The following DNAI1 variants were observed in gnomAD, a reference collection of about 807,000 sequenced individuals.
DNAI1 encodes dynein axonemal intermediate chain 1, also known as dynein, axonemal, intermediate polypeptide 1.
Under a neutral mutation model 92.0 loss-of-function variants are expected in DNAI1, and 67 were observed. The observed-to-expected ratio is 0.73, with a 90% CI of 0.60 to 0.89. DNAI1 has a LOEUF of 0.89. DNAI1 is among the 40% of genes least tolerant of loss of function. DNAI1 has a pLI of 0.00. For missense variants in DNAI1, 839 were observed against 866.6 expected (o/e 0.97, Z 0.40); for synonymous variants, 323 against 319.6 (o/e 1.01, Z -0.11).
rs554496487 is a variant in DNAI1 at position 34,504,585 on chromosome 9, C to T, written c.1064-2042C>T. ...TATTTAGGTTCTCAAATGTTTGCCTCATTTTCCCTAAATCAAATTAAATGT... is the reference window on the plus strand; with the variant it reads ...TATTTAGGTTCTCAAATGTTTGCCTTATTTTCCCTAAATCAAATTAAATGT... On this transcript the variant is annotated intron_variant, in intron 12 of 19. Transcript: ENST00000242317. 1.4e-4 allele frequency among the ~76,000 whole-genome samples: 21 copies of T among 152,350 alleles called. No individual in the cohort carries two copies. In the East Asian group the frequency reaches 4.0e-3, roughly 29 times the overall value.
intron 13 of DNAI1, among the ~76,000 whole-genome samples, chr9:34,509,204 A>C (rs1825016975): frequency 1.3e-5 from 2 of 152,112 alleles, no homozygotes; most frequent in Non-Finnish European, 2.9e-5. Context: ...AGGTCTTTCT[A>C]GAGGAAGCAA....
At chr9:34,502,403 C>T (rs1824848487) in intron 12 of DNAI1, among the ~76,000 whole-genome samples, 2 of 152,134 alleles carry the variant, frequency 1.3e-5, no homozygotes, top group Admixed American at 6.5e-5. Flanking sequence ...TTGGGCAGGC[C>T]CTCCCAGGAG....
intron 1 of DNAI1, among the ~76,000 whole-genome samples, chr9:34,481,303 T>TA (rs1388216484): frequency 4.6e-5 from 7 of 152,206 alleles, no homozygotes; most frequent in South Asian, 2.1e-4. Flanking sequence ...GATGAACACT[T>TA]AGAGTATGCT....
In DNAI1 at chr9:34,512,400, G is replaced by C; in HGVS notation, c.1465G>C (p.Glu489Gln). The C allele has an allele frequency of 6.2e-7, 1 of 1,614,152 alleles. No individual in the cohort carries two copies. The highest frequency in any genetic ancestry group is 1.1e-5 in the South Asian group (1 of 91,082). The change falls in exon 15 of 20, where the codon GAG (glutamate) becomes CAG (glutamine). Residue 489 changes from glutamate to glutamine, a missense_variant. Transcript: ENST00000242317. ...GGAAGGCAGCACCACGGAAGTTCCT[G>C]AGGGGTTGCAGCTGCACCCAGTGGG... The part of the protein sequence containing the change: ...KVEGSTTEVP[E>Q]GLQLHPVGCG...
intron 1 of DNAI1, among the ~76,000 whole-genome samples, chr9:34,459,703 T>A (rs1823908583): frequency 6.6e-6 from 1 of 152,152 alleles, no homozygotes; most frequent in South Asian, 2.1e-4. Flanking sequence ...ACCTTGACCT[T>A]CCGAAGTGCT....
In DNAI1 at chr9:34,490,424, G is replaced by T. The variant is rs1178602656; in HGVS notation, c.557G>T (p.Arg186Ile). The stretch of plus-strand genomic sequence containing the variant: ...ATGACTCCTAAGCAGCCCAAGGAGA[G>T]AAAGCTCACTAACCAGTTCAACTTC... ...ELMTPKQPKE[R>I]KLTNQFNFSE... The change falls in exon 7 of 20, where the codon AGA becomes ATA. Residue 186 changes from arginine to isoleucine, a missense_variant. By Grantham distance (97) the Arg-to-Ile change is moderately conservative. Transcript: ENST00000242317. The T allele has an allele frequency of 1.9e-6, 3 of 1,614,228 alleles. No individual in the cohort carries two copies. The South Asian group carries it at 3.3e-5, about 18-fold the overall frequency.
intron 10 of DNAI1, among the ~76,000 whole-genome samples, chr9:34,499,020 C>CT (rs1824776366): frequency 6.6e-6 from 1 of 152,180 alleles, no homozygotes; most frequent in Non-Finnish European, 1.5e-5. Context: ...TGGTGAACCA[C>CT]TTTCATTTAT....
rs149532087 is a variant in DNAI1 at position 34,516,324 on chromosome 9, T to C, written c.1819-961T>C. Among the ~76,000 whole-genome samples the C allele has an allele frequency of 2.2e-3, 338 of 152,246 alleles. 1 individual carries two copies. Among genetic ancestry groups the C allele is most frequent in the African/African-American group, 7.7e-3 (318 of 41,530 alleles). ...AGTGCCAAGGGAGACTGTGGGAGGATTTTAAGTGCTTTAAAGGTAAGCCTA... is the reference window on the plus strand; with the variant it reads ...AGTGCCAAGGGAGACTGTGGGAGGACTTTAAGTGCTTTAAAGGTAAGCCTA... On this transcript the variant is annotated intron_variant, in intron 18 of 19. Coordinates refer to ENST00000242317, the MANE Select transcript of DNAI1 (RefSeq NM_012144.4).
chr9:34,482,793 A>C (rs1024692069), intron 1 of DNAI1, among the ~76,000 whole-genome samples: 2 of 152,218 alleles, frequency 1.3e-5, no homozygotes, highest in African/African-American at 4.8e-5. Context: ...GGTCGATGGG[A>C]CTGGGCGCCG....
chr9:34,510,480 C>A (rs1054186732), intron 13 of DNAI1, among the ~76,000 whole-genome samples: 4 of 152,172 alleles, frequency 2.6e-5, no homozygotes, highest in African/African-American at 9.7e-5. Context: ...GAAGCAGGTT[C>A]CAGCTCCTCC....
intron 10 of DNAI1, among the ~76,000 whole-genome samples, chr9:34,498,226 G>A (rs1191052364): frequency 6.6e-6 from 1 of 152,240 alleles, no homozygotes; most frequent in Non-Finnish European, 1.5e-5. Context: ...GGAGTAGCCT[G>A]TGTGTCAGGC....
intron 19 of DNAI1, 35 bp downstream of exon 19, chr9:34,517,502 G>A (rs369475717): frequency 3.1e-6 from 5 of 1,613,292 alleles, no homozygotes; most frequent in Admixed American, 1.7e-5. Context: ...GCTGCAAGAC[G>A]TAAAGTCTCC....
chr9:34,499,731 G>A (rs988714250), intron 10 of DNAI1, among the ~76,000 whole-genome samples: 2 of 152,278 alleles, frequency 1.3e-5, no homozygotes. Flanking sequence ...CATGGAAAAC[G>A]ATGTAGAAAC....
Position 34,513,201 on chromosome 9 carries a change from C to T in DNAI1, c.1569+10C>T, listed in dbSNP as rs1168786289. The stretch of plus-strand genomic sequence containing the variant: ...GGGAAAAATCTACAAGGTGAGGCTG[C>T]CCTGTGCCAGCTCCTTAGAAGGCCG... On this transcript the variant is annotated intron_variant, in intron 16 of 19. Coordinates refer to ENST00000242317, the MANE Select transcript of DNAI1 (RefSeq NM_012144.4). The T allele has an allele frequency of 1.9e-6, 3 of 1,611,604 alleles. No individual in the cohort carries two copies. The highest frequency in any genetic ancestry group is 1.1e-5 in the South Asian group (1 of 91,036).
chr9:34,463,893 G>A lies in DNAI1; in HGVS notation c.48+4840G>A, dbSNP rs559242432. ...TGGATGATTCAGAGATTTTGAGCCT[G>A]GTGATGGGGCCTGGTATCCACAGAT... On this transcript the variant is annotated intron_variant, in intron 1 of 19. Coordinates refer to ENST00000242317, the MANE Select transcript of DNAI1 (RefSeq NM_012144.4). Among the ~76,000 whole-genome samples, 706 of 152,234 alleles carry A rather than the reference G, an allele frequency of 4.6e-3. 2 individuals carry two copies. The highest frequency in any genetic ancestry group is 8.4e-3 in the Non-Finnish European group (571 of 68,018).
At chr9:34,484,125 G>T (rs948256850) in intron 2 of DNAI1, among the ~76,000 whole-genome samples, 3 of 152,324 alleles carry the variant, frequency 2.0e-5, no homozygotes, top group Admixed American at 1.3e-4. Flanking sequence ...CGAGGCAAGA[G>T]AATTGCTTGA....
Position 34,501,200 on chromosome 9 carries a change from C to G in DNAI1, c.1063+19C>G. On this transcript the variant is annotated intron_variant, in intron 12 of 19. Transcript: ENST00000242317. Reference sequence around the variant, plus strand: ...GGCTCTTGTAAGTGATCTGACTATTCATTTATTTGCTCATGTAAACAGCAA... The same window carrying G: ...GGCTCTTGTAAGTGATCTGACTATTGATTTATTTGCTCATGTAAACAGCAA... 2 of 1,599,622 alleles carry G rather than the reference C, an allele frequency of 1.3e-6. No individual in the cohort carries two copies. Among genetic ancestry groups the G allele is most frequent in the African/African-American group, 1.3e-5 (1 of 74,676 alleles).
intron 12 of DNAI1, among the ~76,000 whole-genome samples, chr9:34,502,377 G>A (rs1448130964): frequency 6.6e-6 from 1 of 152,228 alleles, no homozygotes; most frequent in South Asian, 2.1e-4. Flanking sequence ...GCCTGGAACA[G>A]GGCCTGGGGG....
intron 13 of DNAI1, among the ~76,000 whole-genome samples, chr9:34,510,134 T>G (rs2132079549): frequency 6.6e-6 from 1 of 152,232 alleles, no homozygotes; most frequent in Middle Eastern, 3.4e-3. Context: ...CCAGAGAGGT[T>G]GTGTTAGATC....
Sources: gnomAD v4.1 joint callset for allele counts (sites outside exome capture counted in the v4.1 genomes callset) on GRCh38, gnomAD v4.1.1 for gene constraint, MANE v1.5 for transcripts, NCBI Gene and HGNC (gene_info 2026-07-23, HGNC 2026-07-21) for gene names.